The following ROBO1 variants were observed in gnomAD, a reference collection of about 807,000 sequenced individuals.
ROBO1 encodes roundabout homolog 1.
Under a neutral mutation model 195.9 loss-of-function variants are expected in ROBO1, and 149 were observed. The observed-to-expected ratio is 0.76, with a 90% CI of 0.67 to 0.87. The LOEUF (loss-of-function observed/expected upper bound fraction) is 0.87, where lower values mean the gene tolerates loss of function less well. Among genes scored for constraint, ROBO1 ranks in the 40% least tolerant of loss-of-function variants. ROBO1 has a pLI of 0.00. For synonymous variants in ROBO1, 816 were observed against 733.2 expected, an observed-to-expected ratio of 1.11 and a Z score of -1.82; for missense variants, 1,933 against 2,068.3, an observed-to-expected ratio of 0.93 and a Z score of 1.27.
chr3:79,679,939 A>C (rs901345950), intron 1 of ROBO1, among the ~76,000 whole-genome samples: 8 of 152,070 alleles, frequency 5.3e-5, no homozygotes, highest in Non-Finnish European at 5.9e-5. Flanking sequence ...GATCTGAAGC[A>C]CGTCACATGT....
chr3:79,659,213 T>G (rs1946257501), intron 1 of ROBO1, among the ~76,000 whole-genome samples: 1 of 152,096 alleles, frequency 6.6e-6, no homozygotes, highest in Non-Finnish European at 1.5e-5. Flanking sequence ...AATATGCAAC[T>G]AAACATGATG....
At chr3:78,639,641 G>A (rs1422554404) in intron 22 of ROBO1, 103 bp downstream of exon 22, 8 of 1,150,158 alleles carry the variant, frequency 7.0e-6, no homozygotes, top group African/African-American at 4.6e-5. Context: ...GATAAAATAC[G>A]GGTCAAATTT....
At chr3:79,005,852 A>C (rs1172985497) in intron 3 of ROBO1, among the ~76,000 whole-genome samples, 1 of 152,194 alleles carries the variant, frequency 6.6e-6, no homozygotes, top group Admixed American at 6.5e-5. Flanking sequence ...TATTTCTGTC[A>C]AACAACTAAT....
chr3:79,161,252 T>A (rs1249501906), intron 2 of ROBO1, among the ~76,000 whole-genome samples: 1 of 152,154 alleles, frequency 6.6e-6, no homozygotes, highest in Non-Finnish European at 1.5e-5. Flanking sequence ...GATCCCACTC[T>A]ATGATCCTGA....
intron 2 of ROBO1, among the ~76,000 whole-genome samples, chr3:79,179,662 A>G (rs2081308979): frequency 6.6e-6 from 1 of 152,226 alleles, no homozygotes; most frequent in African/African-American, 2.4e-5. Flanking sequence ...GAAAAAAATT[A>G]TAATCATGAA....
intron 1 of ROBO1, among the ~76,000 whole-genome samples, chr3:79,667,501 G>T (rs1264995383): frequency 6.6e-6 from 1 of 151,756 alleles, no homozygotes; most frequent in African/African-American, 2.4e-5. Context: ...GTTGTCTTAA[G>T]GAATAACAGC....
At chr3:79,605,799 C>T (rs1374849633) in intron 1 of ROBO1, among the ~76,000 whole-genome samples, 6 of 151,820 alleles carry the variant, frequency 4.0e-5, no homozygotes, top group African/African-American at 1.5e-4. Context: ...CAAAAATCAC[C>T]TTTGTTTTTC....
chr3:78,925,172 T>C (rs556924214), intron 4 of ROBO1, among the ~76,000 whole-genome samples: 1 of 152,280 alleles, frequency 6.6e-6, no homozygotes, highest in South Asian at 2.1e-4. Context: ...AAGGAAACTT[T>C]TGCTTATTTC....
chr3:79,345,312 C>T lies in ROBO1; in HGVS notation c.89-219773G>A, dbSNP rs1310056970. Among the ~76,000 whole-genome samples the T allele has an allele frequency of 2.0e-5, 3 of 152,098 alleles. No homozygotes were observed. The East Asian group carries it at 5.8e-4, about 29-fold the overall frequency. ...ATTTCCATCTTTATAGTGCTTTTGGCTGTTCTTAGTCATTTACAGACCCTG... is the reference window on the plus strand; with the variant it reads ...ATTTCCATCTTTATAGTGCTTTTGGTTGTTCTTAGTCATTTACAGACCCTG... On this transcript the variant is annotated intron_variant, in intron 2 of 30. Transcript: ENST00000464233.
intron 11 of ROBO1, among the ~76,000 whole-genome samples, 199 bp from the exon 12 acceptor site, chr3:78,668,764 T>C (rs1707885485): frequency 6.6e-6 from 1 of 152,204 alleles, no homozygotes; most frequent in African/African-American, 2.4e-5. Context: ...AAAGATTTTA[T>C]ATGATTGTTC....
chr3:79,337,707 A>C (rs1439881034), intron 2 of ROBO1, among the ~76,000 whole-genome samples: 1 of 152,204 alleles, frequency 6.6e-6, no homozygotes, highest in Non-Finnish European at 1.5e-5. Context: ...TTAGAAAAAT[A>C]TTTATTTAAA....
chr3:78,913,770 CACATTACAA>C (rs2038394689), intron 4 of ROBO1, among the ~76,000 whole-genome samples: 1 of 151,918 alleles, frequency 6.6e-6, no homozygotes, highest in Non-Finnish European at 1.5e-5. Context: ...ATTAAAGAAA[CACATTACAA>C]AAGCTTTCTT....
intron 8 of ROBO1, among the ~76,000 whole-genome samples, chr3:78,692,240 A>G (rs773755239): frequency 6.6e-6 from 1 of 151,984 alleles, no homozygotes; most frequent in Non-Finnish European, 1.5e-5. Flanking sequence ...ATGAAAAGTC[A>G]CTTTTATAAT....
intron 2 of ROBO1, among the ~76,000 whole-genome samples, chr3:79,314,352 T>C (rs553984520): frequency 3.3e-5 from 5 of 152,272 alleles, no homozygotes; most frequent in African/African-American, 1.2e-4. Flanking sequence ...TGGGAGGTCA[T>C]TGAATCATGT....
At chr3:79,090,639 T>C (rs2079462007) in intron 3 of ROBO1, among the ~76,000 whole-genome samples, 1 of 152,176 alleles carries the variant, frequency 6.6e-6, no homozygotes, top group Non-Finnish European at 1.5e-5. Flanking sequence ...CACTTGTTAC[T>C]ACCTCTATGA....
At chr3:78,851,343 A>T (rs1156711775) in intron 4 of ROBO1, among the ~76,000 whole-genome samples, 2 of 152,208 alleles carry the variant, frequency 1.3e-5, no homozygotes, top group Non-Finnish European at 2.9e-5. Context: ...AACATATAAG[A>T]TTACATTTTA....
intron 2 of ROBO1, among the ~76,000 whole-genome samples, chr3:79,175,604 A>C (rs1175155821): frequency 6.6e-6 from 1 of 152,238 alleles, no homozygotes; most frequent in Admixed American, 6.5e-5. Context: ...TGCTTATTAC[A>C]ATTCTTACTG....
At chr3:79,046,479 A>G (rs990524897) in intron 3 of ROBO1, among the ~76,000 whole-genome samples, 1 of 152,126 alleles carries the variant, frequency 6.6e-6, no homozygotes, top group African/African-American at 2.4e-5. Flanking sequence ...ATAACTATAT[A>G]TAGTTTATTA....
intron 1 of ROBO1, among the ~76,000 whole-genome samples, chr3:79,634,905 C>A (rs1264999295): frequency 6.6e-6 from 1 of 152,096 alleles, no homozygotes; most frequent in Non-Finnish European, 1.5e-5. Context: ...AGCTTTCCAA[C>A]ACAATTACAA....
Sources: allele counts gnomAD v4.1 joint callset (sites outside exome capture counted in the v4.1 genomes callset), GRCh38; gene constraint gnomAD v4.1.1; transcripts MANE v1.5; gene names NCBI Gene and HGNC (gene_info 2026-07-23, HGNC 2026-07-21).